The following PTPN5 variants were observed in gnomAD, a reference collection of about 807,000 sequenced individuals.
The protein encoded by PTPN5 is tyrosine-protein phosphatase non-receptor type 5.
In PTPN5, 29 loss-of-function variants were observed where a neutral mutation model predicts 73.9. The ratio of observed to expected loss-of-function variants is 0.39; its 90% CI spans 0.29 to 0.54. The LOEUF is 0.54. PTPN5 is among the 20% of genes least tolerant of loss of function. The pLI, the probability that PTPN5 is intolerant of heterozygous loss-of-function variation, is 0.65. For synonymous variants in PTPN5, 267 were observed against 304.7 expected (o/e 0.88, Z 1.29); for missense variants, 652 against 751.4 (o/e 0.87, Z 1.55).
chr11:18,756,806 C>T (rs1211196889), intron 3 of PTPN5, among the ~76,000 whole-genome samples: 1 of 151,798 alleles, frequency 6.6e-6, no homozygotes, highest in African/African-American at 2.4e-5. Context: ...TGCCTGTAAT[C>T]CCAGCTACTC....
At chr11:18,751,244 T>G (rs112320777) in intron 3 of PTPN5, among the ~76,000 whole-genome samples, 82 of 152,164 alleles carry the variant, frequency 5.4e-4, no homozygotes, top group African/African-American at 2.0e-3. Context: ...AAGTAGGTGT[T>G]AGAGGATATA....
At chr11:18,759,847 C>T (rs949889615) in intron 3 of PTPN5, among the ~76,000 whole-genome samples, 1 of 152,228 alleles carries the variant, frequency 6.6e-6, no homozygotes, top group Admixed American at 6.5e-5. Flanking sequence ...TGGGCTTCTG[C>T]ACCTGCCCAC....
rs540618167 is a variant in PTPN5 at position 18,737,011 on chromosome 11, A to C, written c.1000+869T>G. ...GTCGATATTTTAAAAGTTAAAAATAAGTCATGACATCTTACATGTTGTTGG... is the reference window on the plus strand; with the variant it reads ...GTCGATATTTTAAAAGTTAAAAATACGTCATGACATCTTACATGTTGTTGG... On this transcript the variant is annotated intron_variant, in intron 9 of 14. Transcript: ENST00000358540. 3.3e-5 allele frequency among the ~76,000 whole-genome samples: 5 copies of C among 152,350 alleles called. No homozygotes were observed. In the South Asian group the frequency reaches 8.3e-4, roughly 25 times the overall value.
chr11:18,770,959 T>C (rs1467525593), intron 2 of PTPN5, among the ~76,000 whole-genome samples: 2 of 152,140 alleles, frequency 1.3e-5, no homozygotes, highest in East Asian at 3.9e-4. Flanking sequence ...GGGGGTGCTA[T>C]TAGGAGACAT....
intron 1 of PTPN5, among the ~76,000 whole-genome samples, chr11:18,788,069 CAA>C (rs1851750424): frequency 6.6e-6 from 1 of 152,172 alleles, no homozygotes; most frequent in Non-Finnish European, 1.5e-5. Context: ...CATTCAGCCT[CAA>C]AGCCTTGCCA....
chr11:18,754,914 TC>T (rs71050630), intron 3 of PTPN5, among the ~76,000 whole-genome samples: 47,436 of 152,092 alleles, frequency 0.31, 9,012 homozygotes, highest in Admixed American at 0.47. Context: ...AAGGTGGCCC[TC>T]AGTGAACCCT....
At chr11:18,777,849 G>C (rs1051441204) in intron 1 of PTPN5, among the ~76,000 whole-genome samples, 3 of 152,122 alleles carry the variant, frequency 2.0e-5, no homozygotes, top group African/African-American at 7.2e-5. Flanking sequence ...GCACGCTGAG[G>C]CAGGAGGATC....
Position 18,742,506 on chromosome 11 carries a change from G to A in PTPN5, c.484-3C>T, listed in dbSNP as rs1564896791. On this transcript the variant is annotated splice_region_variant and splice_polypyrimidine_tract_variant and intron_variant, in intron 6 of 14. Coordinates refer to ENST00000358540, the MANE Select transcript of PTPN5 (RefSeq NM_006906.2). The surrounding 1 kb of genome is among the most constrained non-coding windows in gnomAD (Gnocchi z 4.1). The stretch of plus-strand genomic sequence containing the variant: ...GGTGTCCTCAGGAGGTGCCACACCT[G>A]GTTGGGGTGTACAGCATCACAGATT... 6.2e-7 allele frequency: 1 copy of A among 1,612,808 alleles called. No individual in the cohort carries two copies. Among genetic ancestry groups the A allele is most frequent in the Non-Finnish European group, 8.5e-7 (1 of 1,179,966 alleles).
chr11:18,745,281 A>C (rs1235591902), intron 3 of PTPN5, among the ~76,000 whole-genome samples: 1 of 152,212 alleles, frequency 6.6e-6, no homozygotes, highest in African/African-American at 2.4e-5. Flanking sequence ...GTGACAACAG[A>C]ACCATGTGGG....
At chr11:18,786,642 T>C (rs1851686077) in intron 1 of PTPN5, among the ~76,000 whole-genome samples, 1 of 152,210 alleles carries the variant, frequency 6.6e-6, no homozygotes, top group South Asian at 2.1e-4. Flanking sequence ...TTCTACCTTC[T>C]ACATATGACA....
chr11:18,744,340 T>C (rs1564899396), intron 3 of PTPN5, 141 bp from the exon 4 acceptor site: 2 of 602,822 alleles, frequency 3.3e-6, no homozygotes, highest in East Asian at 6.8e-5. Flanking sequence ...CACCCTCGAT[T>C]AGCAAAGCAA....
At position 18,743,418 on chromosome 11, in the gene PTPN5, C is replaced by A. The variant is rs140552183; in HGVS notation, c.303G>T (p.Gly101=). Reference sequence around the variant, plus strand: ...GGCCATAACCGCTGAACCAGAGCACCCCACAGGCAAGCTGGGGCACAGGGG... The same window carrying A: ...GGCCATAACCGCTGAACCAGAGCACACCACAGGCAAGCTGGGGCACAGGGG... ...FAASQFLLAC[G]VLWFSGYGHI... is the part of the protein sequence containing the mutation. The change falls in exon 5 of 15, where the codon GGG becomes GGT. Residue 101 remains glycine (G), a synonymous_variant. Coordinates refer to ENST00000358540, the MANE Select transcript of PTPN5 (RefSeq NM_006906.2). 1.5e-5 allele frequency: 24 copies of A among 1,613,976 alleles called. No individual in the cohort carries two copies. Among genetic ancestry groups the A allele is most frequent in the Non-Finnish European group, 7.6e-6 (9 of 1,180,008 alleles).
chr11:18,729,208 T>C lies in PTPN5; in HGVS notation c.1605-181A>G, dbSNP rs896244419. 6.6e-6 allele frequency among the ~76,000 whole-genome samples: 1 copy of C among 152,198 alleles called. No individual in the cohort carries two copies. The highest frequency in any genetic ancestry group is 2.4e-5 in the African/African-American group (1 of 41,448). ...TATCAGGGACACAGATGACATGTCCTACCACTTTCGGCCTCTGTCCTTTTA... is the reference window on the plus strand; with the variant it reads ...TATCAGGGACACAGATGACATGTCCCACCACTTTCGGCCTCTGTCCTTTTA... On this transcript the variant is annotated intron_variant, in intron 14 of 14. Transcript: ENST00000358540. This position sits in a 1 kb window ranked among gnomAD's most constrained non-coding sequence, Gnocchi z 5.2.
intron 3 of PTPN5, among the ~76,000 whole-genome samples, chr11:18,756,793 G>T (rs191315941): frequency 6.6e-6 from 1 of 151,534 alleles, no homozygotes; most frequent in African/African-American, 2.4e-5. Flanking sequence ...GTTTGGTGGC[G>T]TATGCCTGTA....
intron 1 of PTPN5, among the ~76,000 whole-genome samples, chr11:18,777,641 G>A (rs914371924): frequency 2.6e-5 from 4 of 151,964 alleles, no homozygotes; most frequent in African/African-American, 9.7e-5. Context: ...TTATTATGCA[G>A]GAATTAAAAA....
intron 3 of PTPN5, among the ~76,000 whole-genome samples, chr11:18,747,768 C>CT (rs1849705880): frequency 6.6e-6 from 1 of 152,164 alleles, no homozygotes; most frequent in Non-Finnish European, 1.5e-5. Flanking sequence ...TATAATCTCA[C>CT]TGACCTTAAA....
At chr11:18,748,535 C>T (rs1293387324) in intron 3 of PTPN5, among the ~76,000 whole-genome samples, 1 of 152,032 alleles carries the variant, frequency 6.6e-6, no homozygotes, top group Non-Finnish European at 1.5e-5. Context: ...GGGTAGAAAT[C>T]TGACTTTTTT....
rs542038386 is a variant in PTPN5 at position 18,755,451 on chromosome 11, T to A, written c.97+10356A>T. On this transcript the variant is annotated intron_variant, in intron 3 of 14. Coordinates refer to ENST00000358540, the MANE Select transcript of PTPN5 (RefSeq NM_006906.2). ...TTGTTATGTAGCAAAATATAACTAA[T>A]GCAAGCGGTTTTATCCCTTCCTCAG... 5.3e-4 allele frequency among the ~76,000 whole-genome samples: 80 copies of A among 152,346 alleles called. 1 individual carries two copies. The highest frequency in any genetic ancestry group is 1.8e-3 in the African/African-American group (76 of 41,576).
chr11:18,752,286 C>T (rs145728655), intron 3 of PTPN5, among the ~76,000 whole-genome samples: 3 of 152,336 alleles, frequency 2.0e-5, no homozygotes, highest in Admixed American at 6.5e-5. Context: ...TGAATTAAAA[C>T]ATGCAAAATG....
Sources: gnomAD v4.1 joint callset for allele counts (sites outside exome capture counted in the v4.1 genomes callset) on GRCh38, gnomAD v4.1.1 for gene constraint, Gnocchi (gnomAD v3.1) non-coding constraint, MANE v1.5 for transcripts, NCBI Gene and HGNC (gene_info 2026-07-23, HGNC 2026-07-21) for gene names.